Variants in PTP4A1 observed in about 807,000 individuals in gnomAD.
PTP4A1 encodes protein tyrosine phosphatase type IVA 1.
PTP4A1 carries 9 observed loss-of-function variants against 20.5 expected under a neutral mutation model. That is an observed-to-expected ratio of 0.44 (90% CI 0.26 to 0.77). PTP4A1 has a LOEUF of 0.77. PTP4A1 is among the 30% of genes least tolerant of loss of function. PTP4A1 has a pLI of 0.19. For synonymous variants in PTP4A1, 78 were observed against 67.4 expected (o/e 1.16, Z -0.77); for missense variants, 137 against 218.8 (o/e 0.63, Z 2.36).
chr6:63,533,862 G>T (rs199517098), intron 2 of PTP4A1, among the ~76,000 whole-genome samples: 2 of 134,078 alleles, frequency 1.5e-5, no homozygotes, highest in South Asian at 4.9e-4. Context: ...ATTAATTTTT[G>T]AGGTAGGGTC....
intron 2 of PTP4A1, chr6:63,549,522 G>A (rs1198479382): frequency 6.0e-6 from 4 of 663,422 alleles, no homozygotes; most frequent in East Asian, 5.4e-5. Context: ...GAGAGAGCCT[G>A]ATTTAATTAT....
At chr6:63,518,154 C>CAAAA (rs60368385), upstream of PTP4A1, among the ~76,000 whole-genome samples, 1 of 62,106 alleles carries the variant, frequency 1.6e-5, no homozygotes, top group African/African-American at 4.9e-5. Flanking sequence ...ACTCCGTCTC[C>CAAAA]AAAAAAAAAA....
chr6:63,553,900 G>A (rs963544482), intron 3 of PTP4A1, among the ~76,000 whole-genome samples: 1 of 152,262 alleles, frequency 6.6e-6, no homozygotes, highest in Admixed American at 6.5e-5. Flanking sequence ...GGCTACAGTA[G>A]TTTAAAACAG....
chr6:63,580,267 T>C lies in PTP4A1; in HGVS notation c.*93T>C. ...CAACATGTTGGCTTAGTAAGTCTAA[T>C]GAAGCTTCCATAGGAGTATTGAAAG... On this transcript the variant is annotated 3_prime_UTR_variant, in exon 6 of 6. Coordinates refer to ENST00000626021, the MANE Select transcript of PTP4A1 (RefSeq NM_003463.5). 1 of 1,061,264 alleles carries C rather than the reference T, an allele frequency of 9.4e-7. No homozygotes were observed. Among genetic ancestry groups the C allele is most frequent in the Non-Finnish European group, 1.4e-6 (1 of 696,988 alleles). 65.7% of individuals were successfully genotyped at this position (1,061,264 alleles called of 1,614,324 possible).
intron 3 of PTP4A1, among the ~76,000 whole-genome samples, chr6:63,551,074 C>T (rs1776418609): frequency 6.7e-6 from 1 of 148,608 alleles, no homozygotes; most frequent in Non-Finnish European, 1.5e-5. Flanking sequence ...TTTGTTGTTG[C>T]TGTTGTTTTG....
rs1174921365 is a variant in PTP4A1 at position 63,583,259 on chromosome 6, TGAA to T, written c.*3087_*3089del. The T allele has an allele frequency of 1.3e-5, 2 of 152,248 alleles. No individual in the cohort carries two copies. Among genetic ancestry groups the T allele is most frequent in the Non-Finnish European group, 2.9e-5 (2 of 68,032 alleles). The allele number at this position is 152,248 out of a possible 1,614,324, so 9.4% of individuals were successfully genotyped here. A position where few individuals can be genotyped will look rare whatever the true frequency, so the allele number is the denominator to read the frequency against. ...AAAGTTAAGTTTTAAACAAAATACA[TGAA>T]GTAGTGTCTGCCATACATGTTAATA... On this transcript the variant is annotated 3_prime_UTR_variant, in exon 6 of 6. Coordinates refer to ENST00000626021, the MANE Select transcript of PTP4A1 (RefSeq NM_003463.5).
intron 1 of PTP4A1, among the ~76,000 whole-genome samples, chr6:63,527,373 T>C (rs1298647420): frequency 6.6e-6 from 1 of 152,168 alleles, no homozygotes; most frequent in Non-Finnish European, 1.5e-5. Flanking sequence ...AGACCTTGCA[T>C]AGAATATTGA....
chr6:63,547,187 A>AT (rs543564867), intron 2 of PTP4A1, among the ~76,000 whole-genome samples: 3,995 of 133,974 alleles, frequency 0.03, 71 homozygotes, highest in South Asian at 0.047. Flanking sequence ...GTAGGGGGGA[A>AT]TTTTTTTTTT....
upstream of PTP4A1, among the ~76,000 whole-genome samples, chr6:63,517,831 T>A (rs1246339838): frequency 1.3e-5 from 2 of 152,054 alleles, no homozygotes; most frequent in Non-Finnish European, 2.9e-5. Flanking sequence ...CGCAACCCAA[T>A]AGTTTTTAAA....
intron 2 of PTP4A1, among the ~76,000 whole-genome samples, chr6:63,550,020 T>C (rs937363901): frequency 2.6e-5 from 4 of 152,232 alleles, no homozygotes; most frequent in Non-Finnish European, 4.4e-5. Context: ...ATTACTCTGA[T>C]CTAATTAATC....
intron 3 of PTP4A1, among the ~76,000 whole-genome samples, chr6:63,555,852 C>T (rs1468476918): frequency 6.6e-6 from 1 of 151,986 alleles, no homozygotes; most frequent in East Asian, 1.9e-4. Flanking sequence ...TACCAGAATA[C>T]CCAGCTAATT....
chr6:63,574,690 AAAG>A (rs1777736641), intron 1 of PTP4A1, among the ~76,000 whole-genome samples: 2 of 152,242 alleles, frequency 1.3e-5, no homozygotes, highest in South Asian at 2.1e-4. Flanking sequence ...TAATTGAAAA[AAAG>A]GTAATACCTA....
At chr6:63,571,684 G>C (rs1215833240), upstream of PTP4A1, 1 of 152,220 alleles carries the variant, frequency 6.6e-6, no homozygotes, top group African/African-American at 2.4e-5. Flanking sequence ...GCAGTACAAA[G>C]GATGCATGTG....
In PTP4A1 at chr6:63,576,663, ACTT is replaced by A. The variant is rs1777883971; in HGVS notation, c.-214_-212del. 1.7e-6 allele frequency: 1 copy of A among 574,174 alleles called. No individual in the cohort carries two copies. The highest frequency in any genetic ancestry group is 3.1e-6 in the Non-Finnish European group (1 of 327,702). The allele number at this position is 574,174 out of a possible 1,614,324, so 35.6% of individuals were successfully genotyped here. A position where few individuals can be genotyped will look rare whatever the true frequency, so the allele number is the denominator to read the frequency against. On this transcript the variant is annotated 5_prime_UTR_variant, in exon 2 of 6. Coordinates refer to ENST00000626021, the MANE Select transcript of PTP4A1 (RefSeq NM_003463.5). ...ACCTGGATGGGGTAAACCTCAGTGCACTTCTTTTCTGTTGGCCTCAGTATTACT... is the reference window on the plus strand; with the variant it reads ...ACCTGGATGGGGTAAACCTCAGTGCACTTTTCTGTTGGCCTCAGTATTACT...
upstream of PTP4A1, among the ~76,000 whole-genome samples, chr6:63,569,626 A>G (rs2149502297): frequency 6.6e-6 from 1 of 152,298 alleles, no homozygotes; most frequent in South Asian, 2.1e-4. Flanking sequence ...TATATTTTGA[A>G]TTGTCAATAG....
rs532085771 is a variant in PTP4A1 at position 63,555,620 on chromosome 6, A to C, written c.-446+5127A>C. On this transcript the variant is annotated intron_variant, in intron 3 of 3. Transcript: ENST00000639568. ...CATGACATATCAGCTTTGTATTACC[A>C]AAGGCATACATCCACTCTGTCTAGC... Among the ~76,000 whole-genome samples, 36 of 151,966 alleles carry C rather than the reference A, an allele frequency of 2.4e-4. No homozygotes were observed. The South Asian group carries it at 4.8e-3, about 20-fold the overall frequency.
At chr6:63,558,222 T>C (rs1484595180) in intron 3 of PTP4A1, among the ~76,000 whole-genome samples, 2 of 152,036 alleles carry the variant, frequency 1.3e-5, no homozygotes, top group Non-Finnish European at 2.9e-5. Context: ...GACAAGTCAT[T>C]GAATTAAGTT....
chr6:63,548,472 C>T (rs1388081081), intron 2 of PTP4A1, among the ~76,000 whole-genome samples: 1 of 152,152 alleles, frequency 6.6e-6, no homozygotes, highest in East Asian at 1.9e-4. Context: ...CATAGGTGCT[C>T]TCAGTTTTCT....
chr6:63,519,988 TAG>T (rs1562109438), upstream of PTP4A1, among the ~76,000 whole-genome samples: 9 of 152,354 alleles, frequency 5.9e-5, no homozygotes, highest in South Asian at 1.9e-3. Flanking sequence ...TATAAACCTG[TAG>T]ACTGATTTAA....
Sources: gnomAD v4.1 joint callset for allele counts (sites outside exome capture counted in the v4.1 genomes callset) on GRCh38, gnomAD v4.1.1 for gene constraint, MANE v1.5 for transcripts, NCBI Gene and HGNC (gene_info 2026-07-23, HGNC 2026-07-21) for gene names.